RADIL: variants seen among roughly 807,000 people sequenced by gnomAD.
RADIL encodes the protein ras-associating and dilute domain-containing protein.
A neutral mutation model predicts 97.6 loss-of-function variants in RADIL; 99 were observed. That is an observed-to-expected ratio of 1.01 (90% CI 0.86 to 1.20). The LOEUF (loss-of-function observed/expected upper bound fraction) is 1.20. Among genes scored for constraint, RADIL ranks in the 50% most tolerant of loss-of-function variants. RADIL has a pLI of 0.00. For missense variants in RADIL, 1,765 were observed against 1,498.9 expected (o/e 1.18, Z -2.93); for synonymous variants, 803 against 691.8 (o/e 1.16, Z -2.52).
intron 2 of RADIL, chr7:4,861,776 G>C: frequency 6.7e-7 from 1 of 1,486,232 alleles, no homozygotes; most frequent in Non-Finnish European, 8.9e-7. Context: ...CGCCGGCTGC[G>C]GTGGTCCCTG....
chr7:4,881,083 G>C (rs1479864898), intron 1 of RADIL, among the ~76,000 whole-genome samples: 8 of 114,966 alleles, frequency 7.0e-5, no homozygotes, highest in South Asian at 6.3e-4. Flanking sequence ...CTGGGCAATG[G>C]AGTGAGACCC....
chr7:4,805,599 CT>C lies in RADIL; in HGVS notation c.2256del (p.Ala754ProfsTer118). 1 of 1,611,582 alleles carries C rather than the reference CT, an allele frequency of 6.2e-7. No homozygotes were observed. Among genetic ancestry groups the C allele is most frequent in the South Asian group, 1.1e-5 (1 of 91,036 alleles). ...AAGGCCTCGGGGCTGTCCTGGGCCC[CT>C]GGCTCCCAGGTGCTCATGGGGCCCA... ...SAMGPMSTWE[P>X]GAQDSPEAFR... On this transcript the variant is annotated frameshift_variant, in exon 10 of 15. Transcript: ENST00000399583. LOFTEE classifies it high-confidence loss of function.
rs146716307 is a variant in RADIL, at chr7:4,870,106, C to T, written c.535+7499G>A. On this transcript the variant is annotated intron_variant, in intron 2 of 14. Transcript: ENST00000399583. Reference sequence around the variant, plus strand: ...AGTGAGCCATGATTGCACCACTGCACGCTAGCCTGGGCAACAGAGTAAGTC... The same window carrying T: ...AGTGAGCCATGATTGCACCACTGCATGCTAGCCTGGGCAACAGAGTAAGTC... 4.1e-4 allele frequency among the ~76,000 whole-genome samples: 62 copies of T among 152,322 alleles called. 1 individual carries two copies. The East Asian group carries it at 7.5e-3, about 18-fold the overall frequency.
chr7:4,800,316 TG>T lies in RADIL; in HGVS notation c.2843-7del. On this transcript the variant is annotated splice_polypyrimidine_tract_variant and splice_region_variant and intron_variant, in intron 12 of 14. Coordinates refer to ENST00000399583, the MANE Select transcript of RADIL (RefSeq NM_018059.5). Reference sequence around the variant, plus strand: ...CGCAAGGGCTGCAGAGTCTCCTGGGTGGGGGCCAGGAAAGGTGGGTGGGAGT... The same window carrying T: ...CGCAAGGGCTGCAGAGTCTCCTGGGTGGGGCCAGGAAAGGTGGGTGGGAGT... 1 of 1,442,920 alleles carries T rather than the reference TG, an allele frequency of 6.9e-7. No homozygotes were observed. The highest frequency in any genetic ancestry group is 9.1e-7 in the Non-Finnish European group (1 of 1,097,988). 89.4% of individuals were successfully genotyped at this position (1,442,920 alleles called of 1,614,324 possible).
At chr7:4,805,377 C>T (rs879869834) in intron 10 of RADIL, 189 bp downstream of exon 10, 34 of 611,700 alleles carry the variant, frequency 5.6e-5, no homozygotes, top group Non-Finnish European at 7.5e-5. Flanking sequence ...CCGAGGAGGT[C>T]CCCGGATCCC....
At position 4,824,023 on chromosome 7, in the gene RADIL, G is replaced by A. The variant is rs1002829331; in HGVS notation, c.1455-1469C>T. 1.1e-4 allele frequency among the ~76,000 whole-genome samples: 16 copies of A among 152,166 alleles called. No individual in the cohort carries two copies. The highest frequency in any genetic ancestry group is 3.4e-4 in the African/African-American group (14 of 41,456). On this transcript the variant is annotated intron_variant, in intron 5 of 14. Coordinates refer to ENST00000399583, the MANE Select transcript of RADIL (RefSeq NM_018059.5). The surrounding 1 kb of genome is among the most constrained non-coding windows in gnomAD (Gnocchi z 6.7). ...TCGCACCTGGCGGACACAAATAGCC[G>A]TGTGCCCCTGAGCAGTGAGCAGAAG... is the stretch of plus-strand genomic sequence containing the variant.
rs1783998211 is a variant in RADIL at position 4,861,563 on chromosome 7, C to T, written c.535+16042G>A. 4 of 1,613,886 alleles carry T rather than the reference C, an allele frequency of 2.5e-6. No homozygotes were observed. The Admixed American group carries it at 6.7e-5, about 27-fold the overall frequency. On this transcript the variant is annotated intron_variant, in intron 2 of 14. Coordinates refer to ENST00000399583, the MANE Select transcript of RADIL (RefSeq NM_018059.5). ...AATTACAGACTGGGGAAGACTCTTG[C>T]TTTCACTGATTTCGCGTATCCATTC...
intron 6 of RADIL, among the ~76,000 whole-genome samples, chr7:4,820,481 G>A (rs1443566932): frequency 1.3e-5 from 2 of 152,226 alleles, no homozygotes; most frequent in Non-Finnish European, 2.9e-5. Context: ...CACGTGGGGG[G>A]CAAGGGCACA....
chr7:4,829,509 G>C (rs1783083023), intron 5 of RADIL, among the ~76,000 whole-genome samples: 1 of 152,162 alleles, frequency 6.6e-6, no homozygotes, highest in Non-Finnish European at 1.5e-5. Context: ...GTGGACATCA[G>C]CAGGCACATA....
chr7:4,827,288 C>T (rs1356947175), intron 5 of RADIL, among the ~76,000 whole-genome samples: 1 of 150,404 alleles, frequency 6.6e-6, no homozygotes, highest in East Asian at 2.0e-4. Flanking sequence ...TCGCTTGATC[C>T]TGGGAGGCGG....
intron 2 of RADIL, among the ~76,000 whole-genome samples, chr7:4,848,263 A>C (rs1783625179): frequency 6.6e-6 from 1 of 151,974 alleles, no homozygotes; most frequent in African/African-American, 2.4e-5. Context: ...GATGATGATC[A>C]CACAACTTTG....
Position 4,815,455 on chromosome 7 carries a change from G to A in RADIL, c.1967-5C>T. On this transcript the variant is annotated splice_polypyrimidine_tract_variant and splice_region_variant and intron_variant, in intron 8 of 14. Transcript: ENST00000399583. This position sits in a 1 kb window ranked among gnomAD's most constrained non-coding sequence, Gnocchi z 8.0. ...GGAAGCAGCTCAGGGAGGGGCCTGTGGAGGGAAGAAGGGAGGGTGATGCCT... is the reference window on the plus strand; with the variant it reads ...GGAAGCAGCTCAGGGAGGGGCCTGTAGAGGGAAGAAGGGAGGGTGATGCCT... 4.6e-6 allele frequency: 7 copies of A among 1,506,248 alleles called. No individual in the cohort carries two copies. Among genetic ancestry groups the A allele is most frequent in the Non-Finnish European group, 5.3e-6 (6 of 1,124,466 alleles). The allele number at this position is 1,506,248 out of a possible 1,614,324, so 93.3% of individuals were successfully genotyped here. A position where few individuals can be genotyped will look rare whatever the true frequency, so the allele number is the denominator to read the frequency against.
intron 12 of RADIL, 89 bp from the exon 13 acceptor site, chr7:4,800,399 G>A (rs1782042643): frequency 7.5e-7 from 1 of 1,331,196 alleles, no homozygotes; most frequent in South Asian, 1.6e-5. Context: ...GCCTCTGTAG[G>A]GCGTCAGGGA....
At chr7:4,853,989 A>G (rs1010412986) in intron 2 of RADIL, among the ~76,000 whole-genome samples, 38 of 152,148 alleles carry the variant, frequency 2.5e-4, no homozygotes, top group African/African-American at 8.0e-4. Context: ...GCAGTCAGTG[A>G]AAGATGAGGG....
chr7:4,831,643 G>A (rs985443387), intron 5 of RADIL, among the ~76,000 whole-genome samples: 2 of 150,612 alleles, frequency 1.3e-5, no homozygotes, highest in African/African-American at 4.9e-5. Flanking sequence ...ACTTTGGGAG[G>A]CCAAGGCAGG....
Position 4,799,117 on chromosome 7 carries a change from A to G in RADIL, c.*261T>C, listed in dbSNP as rs1230516847. ...GCAGGGCACCCTCTAAGAACGGGAA[A>G]AATAGTTTATTGAACCGTACTTCTC... On this transcript the variant is annotated 3_prime_UTR_variant, in exon 15 of 15. Coordinates refer to ENST00000399583, the MANE Select transcript of RADIL (RefSeq NM_018059.5). 3 of 482,324 alleles carry G rather than the reference A, an allele frequency of 6.2e-6. No homozygotes were observed. The Admixed American group carries it at 1.0e-4, about 17-fold the overall frequency. 29.9% of individuals were successfully genotyped at this position (482,324 alleles called of 1,614,324 possible).
rs1051792312 is a variant in RADIL, at chr7:4,840,699, T to G, written c.536-4094A>C. The stretch of plus-strand genomic sequence containing the variant: ...AACCACTATTTCTGGCCGGGCGCGG[T>G]GGCTCACGCCTGTAATCCCAGCACT... On this transcript the variant is annotated intron_variant, in intron 2 of 14. Coordinates refer to ENST00000399583, the MANE Select transcript of RADIL (RefSeq NM_018059.5). This position sits in a 1 kb window ranked among gnomAD's most constrained non-coding sequence, Gnocchi z 5.6. Among the ~76,000 whole-genome samples, 1 of 152,166 alleles carries G rather than the reference T, an allele frequency of 6.6e-6. No individual in the cohort carries two copies. Among genetic ancestry groups the G allele is most frequent in the East Asian group, 1.9e-4 (1 of 5,176 alleles).
At chr7:4,800,148 G>C (rs776295278) in intron 13 of RADIL, 23 bp downstream of exon 13, 1 of 1,594,374 alleles carries the variant, frequency 6.3e-7, no homozygotes, top group Admixed American at 1.7e-5. Context: ...ATGGGGGTGC[G>C]GCGAGGGTCC....
Position 4,854,813 on chromosome 7 carries a change from C to T in RADIL, c.536-18208G>A, listed in dbSNP as rs1783789428. 6.6e-6 allele frequency among the ~76,000 whole-genome samples: 1 copy of T among 152,170 alleles called. No individual in the cohort carries two copies. The highest frequency in any genetic ancestry group is 6.5e-5 in the Admixed American group (1 of 15,286). ...AATAACAAAATAAACACCATTTCAT[C>T]CACCACCCAACCTAAAAAGAATGCA... On this transcript the variant is annotated intron_variant, in intron 2 of 14. Coordinates refer to ENST00000399583, the MANE Select transcript of RADIL (RefSeq NM_018059.5). The surrounding 1 kb of genome is among the most constrained non-coding windows in gnomAD (Gnocchi z 5.1).
Sources: gnomAD v4.1 joint callset for allele counts (sites outside exome capture counted in the v4.1 genomes callset) on GRCh38, gnomAD v4.1.1 for gene constraint, Gnocchi (gnomAD v3.1) non-coding constraint, MANE v1.5 for transcripts, NCBI Gene and HGNC (gene_info 2026-07-23, HGNC 2026-07-21) for gene names.